The following SWAP70 variants were observed in gnomAD, a reference collection of about 807,000 sequenced individuals.
The protein encoded by SWAP70 is switch-associated protein 70.
SWAP70 carries 34 observed loss-of-function variants against 80.2 expected under a neutral mutation model. That is an observed-to-expected ratio of 0.42 (90% CI 0.32 to 0.56). The LOEUF is 0.56. Among genes scored for constraint, SWAP70 ranks in the 20% least tolerant of loss-of-function variants. SWAP70 has a pLI of 0.09. For synonymous variants in SWAP70, 239 were observed against 238.5 expected, an observed-to-expected ratio of 1.00 and a Z score of -0.02; for missense variants, 578 against 690.7, an observed-to-expected ratio of 0.84 and a Z score of 1.83.
At chr11:9,740,567 A>G in intron 9 of SWAP70, 1 of 561,040 alleles carries the variant, frequency 1.8e-6, no homozygotes, top group South Asian at 2.0e-5. Context: ...CTGGGGCTAA[A>G]TAAGGGCCTA....
At chr11:9,668,993 A>G (rs1184036922) in intron 1 of SWAP70, among the ~76,000 whole-genome samples, 1 of 152,300 alleles carries the variant, frequency 6.6e-6, no homozygotes, top group South Asian at 2.1e-4. Flanking sequence ...CTCCAGATAG[A>G]GATTATATTA....
At chr11:9,741,671 C>CA (rs1284165713) in intron 9 of SWAP70, 11 of 152,094 alleles carry the variant, frequency 7.2e-5, no homozygotes, top group Admixed American at 5.2e-4. Context: ...GACTAGATCA[C>CA]AGAGGGAACC....
chr11:9,746,145 CAGA>C (rs927228341), intron 9 of SWAP70, among the ~76,000 whole-genome samples: 8 of 152,202 alleles, frequency 5.3e-5, no homozygotes, highest in African/African-American at 1.7e-4. Flanking sequence ...GTCAAAGTTC[CAGA>C]AGGAGCATCT....
intron 1 of SWAP70, among the ~76,000 whole-genome samples, chr11:9,673,285 T>G (rs1850443717): frequency 6.6e-6 from 1 of 152,170 alleles, no homozygotes; most frequent in Admixed American, 6.5e-5. Context: ...CTCACAGAAC[T>G]TAGGGTGACA....
At chr11:9,730,899 A>G (rs1388695916) in intron 6 of SWAP70, among the ~76,000 whole-genome samples, 1 of 152,236 alleles carries the variant, frequency 6.6e-6, no homozygotes, top group Non-Finnish European at 1.5e-5. Context: ...ATTGTACCCA[A>G]CAGCTAGAGT....
intron 9 of SWAP70, among the ~76,000 whole-genome samples, chr11:9,742,517 A>G (rs1851454176): frequency 1.3e-5 from 2 of 152,046 alleles, no homozygotes; most frequent in African/African-American, 4.8e-5. Flanking sequence ...TTGTATTTTT[A>G]GTAGAGATGG....
chr11:9,706,661 T>G (rs1002495395), intron 2 of SWAP70, among the ~76,000 whole-genome samples: 1 of 152,176 alleles, frequency 6.6e-6, no homozygotes, highest in Admixed American at 6.5e-5. Flanking sequence ...ATGTATATCT[T>G]AATGTATGAT....
intron 3 of SWAP70, among the ~76,000 whole-genome samples, chr11:9,713,995 T>C (rs1390255760): frequency 1.3e-5 from 2 of 152,080 alleles, no homozygotes; most frequent in South Asian, 2.1e-4. Flanking sequence ...GGGAAACACA[T>C]GAGATCCAGA....
intron 2 of SWAP70, among the ~76,000 whole-genome samples, chr11:9,710,027 A>G (rs1010386970): frequency 6.6e-5 from 10 of 152,114 alleles, no homozygotes; most frequent in Admixed American, 5.9e-4. Flanking sequence ...AAAGGTCTTT[A>G]TCCTCATTGT....
At chr11:9,744,444 CA>C (rs1193416941) in intron 9 of SWAP70, among the ~76,000 whole-genome samples, 1 of 152,194 alleles carries the variant, frequency 6.6e-6, no homozygotes. Context: ...CTTAGTCTTA[CA>C]AACAGTCCAC....
intron 7 of SWAP70, 68 bp downstream of exon 7, chr11:9,732,778 G>C: frequency 7.0e-7 from 1 of 1,424,928 alleles, no homozygotes; most frequent in Non-Finnish European, 9.4e-7. Flanking sequence ...GCCTTGCTTA[G>C]GGGTGTTGGT....
intron 2 of SWAP70, among the ~76,000 whole-genome samples, chr11:9,695,257 G>A (rs1850740740): frequency 6.6e-6 from 1 of 151,452 alleles, no homozygotes; most frequent in African/African-American, 2.4e-5. Flanking sequence ...TCACGCCATT[G>A]CATTCCAGCC....
rs568272164 is a variant in SWAP70, at chr11:9,708,411, TCTC to T, written c.241-5054_241-5052del. Among the ~76,000 whole-genome samples the T allele has an allele frequency of 6.6e-5, 10 of 152,362 alleles. No homozygotes were observed. The East Asian group carries it at 1.9e-3, about 29-fold the overall frequency. ...CAATCATAAGTGATGTTGAGCATCT[TCTC>T]ATATGCTTGTTGGCTGTTCGTATAT... On this transcript the variant is annotated intron_variant, in intron 2 of 11. Coordinates refer to ENST00000318950, the MANE Select transcript of SWAP70 (RefSeq NM_015055.4).
chr11:9,697,108 A>G (rs1850768284), intron 2 of SWAP70, among the ~76,000 whole-genome samples: 2 of 151,958 alleles, frequency 1.3e-5, no homozygotes, highest in African/African-American at 4.8e-5. Context: ...TCAAACCTAA[A>G]TACACAACTA....
rs749872747 is a variant in SWAP70, at chr11:9,728,083, A to G, written c.673A>G (p.Lys225Glu). The G allele has an allele frequency of 6.2e-7, 1 of 1,611,342 alleles. No individual in the cohort carries two copies. The highest frequency in any genetic ancestry group is 8.5e-7 in the Non-Finnish European group (1 of 1,178,978). ...GYMMKKGHRR[K>E]NWTERWFVLK... ...CATGATGAAAAAGGGCCACAGACGG[A>G]AAAACTGGACTGAAAGATGGTTTGT... Residue 225 changes from lysine to glutamate, a missense_variant, in exon 5 of 12, where the codon AAA (lysine) becomes GAA (glutamate). Coordinates refer to ENST00000318950, the MANE Select transcript of SWAP70 (RefSeq NM_015055.4).
chr11:9,695,431 T>C (rs1850743638), intron 2 of SWAP70, among the ~76,000 whole-genome samples: 1 of 152,260 alleles, frequency 6.6e-6, no homozygotes. Context: ...CATGGAATAC[T>C]ATGCTGCCCT....
chr11:9,666,549 C>T (rs1850309477), intron 1 of SWAP70, among the ~76,000 whole-genome samples: 2 of 151,920 alleles, frequency 1.3e-5, no homozygotes, highest in African/African-American at 4.8e-5. Flanking sequence ...CATATAGGTC[C>T]CTTTACTCTC....
intron 2 of SWAP70, among the ~76,000 whole-genome samples, chr11:9,713,113 T>C (rs796390704): frequency 6.6e-5 from 10 of 152,286 alleles, no homozygotes; most frequent in African/African-American, 2.2e-4. Flanking sequence ...AATAGGAAGA[T>C]AGTGTATGCA....
At chr11:9,710,455 A>G (rs1248253496) in intron 2 of SWAP70, among the ~76,000 whole-genome samples, 1 of 151,826 alleles carries the variant, frequency 6.6e-6, no homozygotes, top group African/African-American at 2.4e-5. Context: ...AGCTCTTTCT[A>G]CTCCTGGAGG....
Sources: allele counts gnomAD v4.1 joint callset (sites outside exome capture counted in the v4.1 genomes callset), GRCh38; gene constraint gnomAD v4.1.1; transcripts MANE v1.5; gene names NCBI Gene and HGNC (gene_info 2026-07-23, HGNC 2026-07-21).